SPAG16: variants seen among roughly 807,000 people sequenced by gnomAD.
SPAG16 encodes sperm associated antigen 16.
In SPAG16, 86 loss-of-function variants were observed where a neutral mutation model predicts 80.4. The observed-to-expected ratio is 1.07, with a 90% CI of 0.90 to 1.28. SPAG16 has a LOEUF of 1.28. Ranked by LOEUF, SPAG16 falls within the 50% of genes most tolerant of loss-of-function variation. The probability of loss-of-function intolerance (pLI) is 0.00; values close to 1 mark genes in which losing one functional copy is unlikely to be tolerated. For missense variants in SPAG16, 870 were observed against 765.3 expected (o/e 1.14, Z -1.61); for synonymous variants, 294 against 265.9 (o/e 1.11, Z -1.03).
chr2:213,956,636 T>A (rs1442032382), intron 12 of SPAG16, among the ~76,000 whole-genome samples: 1 of 151,782 alleles, frequency 6.6e-6, no homozygotes, highest in Admixed American at 6.6e-5. Context: ...TTAGTAGAGA[T>A]GGGGTTTCAC....
chr2:213,453,743 C>T (rs1309860476), intron 9 of SPAG16, among the ~76,000 whole-genome samples: 1 of 152,096 alleles, frequency 6.6e-6, no homozygotes, highest in Admixed American at 6.6e-5. Context: ...TCTCTCCTGG[C>T]CCAGCCTCAA....
intron 7 of SPAG16, among the ~76,000 whole-genome samples, chr2:213,360,317 G>A (rs2065904227): frequency 6.6e-6 from 1 of 152,196 alleles, no homozygotes; most frequent in Non-Finnish European, 1.5e-5. Context: ...GATTGATGGA[G>A]CCAATGCAAG....
intron 12 of SPAG16, among the ~76,000 whole-genome samples, chr2:213,938,864 G>GTT (rs35950921): frequency 1.1e-4 from 17 of 150,958 alleles, no homozygotes; most frequent in Non-Finnish European, 2.1e-4. Context: ...TAAAGATGAG[G>GTT]TTTTTTTTTC....
intron 10 of SPAG16, among the ~76,000 whole-genome samples, chr2:213,704,582 A>G (rs2065654121): frequency 6.6e-6 from 1 of 152,136 alleles, no homozygotes; most frequent in African/African-American, 2.4e-5. Flanking sequence ...GTTAACCACT[A>G]TGATTACTTA....
At chr2:214,387,722 C>G (rs1700839786) in intron 15 of SPAG16, among the ~76,000 whole-genome samples, 1 of 152,116 alleles carries the variant, frequency 6.6e-6, no homozygotes, top group Admixed American at 6.5e-5. Context: ...GCAAACACAT[C>G]CTTCTTCACA....
At chr2:213,797,799 G>C (rs2071138878) in intron 10 of SPAG16, among the ~76,000 whole-genome samples, 1 of 152,196 alleles carries the variant, frequency 6.6e-6, no homozygotes. Context: ...ACAAGTCTTT[G>C]TGTAGACATC....
At chr2:213,409,396 A>G (rs1575516362) in intron 9 of SPAG16, among the ~76,000 whole-genome samples, 1 of 152,194 alleles carries the variant, frequency 6.6e-6, no homozygotes, top group South Asian at 2.1e-4. Context: ...GTTAAAAAAT[A>G]TATATTTTGT....
At chr2:214,139,011 C>G (rs2125528125) in intron 14 of SPAG16, among the ~76,000 whole-genome samples, 1 of 152,222 alleles carries the variant, frequency 6.6e-6, no homozygotes, top group East Asian at 1.9e-4. Flanking sequence ...AAATAAAACA[C>G]TGTTTGAATT....
intron 10 of SPAG16, among the ~76,000 whole-genome samples, chr2:213,565,094 C>CT (rs1390234730): frequency 1.3e-5 from 2 of 152,144 alleles, no homozygotes; most frequent in Non-Finnish European, 2.9e-5. Flanking sequence ...GTCAGTGTTA[C>CT]TTTCTATAAT....
chr2:214,085,242 C>T (rs1288463553), intron 13 of SPAG16, among the ~76,000 whole-genome samples: 1 of 151,810 alleles, frequency 6.6e-6, no homozygotes, highest in Middle Eastern at 3.2e-3. Context: ...CATGGTGGTG[C>T]CTTCCTGTAG....
rs190301670 is a variant in SPAG16 at position 214,304,489 on chromosome 2, G to A, written c.1721-105651G>A. Among the ~76,000 whole-genome samples, 292 of 152,242 alleles carry A rather than the reference G, an allele frequency of 1.9e-3. 3 individuals are homozygous for A. Among genetic ancestry groups the A allele is most frequent in the African/African-American group, 6.4e-3 (264 of 41,536 alleles). Reference sequence around the variant, plus strand: ...TCCCTTTATTTTGGCCCATCTCTTCGTTTCCCATAAGGGATACTTTTAGTT... The same window carrying A: ...TCCCTTTATTTTGGCCCATCTCTTCATTTCCCATAAGGGATACTTTTAGTT... On this transcript the variant is annotated intron_variant, in intron 15 of 15. Transcript: ENST00000331683.
intron 15 of SPAG16, among the ~76,000 whole-genome samples, chr2:214,207,583 T>G (rs898294575): frequency 1.3e-5 from 2 of 152,228 alleles, no homozygotes; most frequent in African/African-American, 4.8e-5. Context: ...TTTCTCATGC[T>G]TAGCTTTTCT....
Position 213,829,438 on chromosome 2 carries a change from A to AAG in SPAG16, c.1071-33044_1071-33043dup, listed in dbSNP as rs143564474. On this transcript the variant is annotated intron_variant, in intron 10 of 15. Transcript: ENST00000331683. ...CCTGGTAGGCCCAGAAAAGCCATCT[A>AAG]AGAGTCAAGGCCTGAAATTAAGGAC... Among the ~76,000 whole-genome samples the AAG allele has an allele frequency of 9.1e-3, 1,388 of 152,172 alleles. 25 individuals carry two copies. The highest frequency in any genetic ancestry group is 0.03 in the African/African-American group (1,260 of 41,520).
chr2:214,244,047 G>A lies in SPAG16; in HGVS notation c.1720+94781G>A, dbSNP rs73989405. Among the ~76,000 whole-genome samples the A allele has an allele frequency of 5.0e-3, 767 of 151,990 alleles. 5 individuals are homozygous for A. Among genetic ancestry groups the A allele is most frequent in the African/African-American group, 0.017 (692 of 41,494 alleles). On this transcript the variant is annotated intron_variant, in intron 15 of 15. Coordinates refer to ENST00000331683, the MANE Select transcript of SPAG16 (RefSeq NM_024532.5). ...AATTCTTATATAAGTAATTTTAATC[G>A]TAATGCATTGCGAATAACAAAAACT...
intron 10 of SPAG16, among the ~76,000 whole-genome samples, chr2:213,621,540 A>G (rs2061785572): frequency 6.6e-6 from 1 of 152,122 alleles, no homozygotes; most frequent in South Asian, 2.1e-4. Flanking sequence ...TGAGACATTC[A>G]ACAAAGGGTT....
intron 9 of SPAG16, among the ~76,000 whole-genome samples, chr2:213,466,921 T>G (rs1400036638): frequency 6.6e-6 from 1 of 152,108 alleles, no homozygotes; most frequent in Non-Finnish European, 1.5e-5. Flanking sequence ...AAACAAATAT[T>G]GAGAGGCAGG....
At chr2:213,572,810 G>T (rs1435589103) in intron 10 of SPAG16, among the ~76,000 whole-genome samples, 1 of 152,138 alleles carries the variant, frequency 6.6e-6, no homozygotes, top group Non-Finnish European at 1.5e-5. Flanking sequence ...AGCAAGCCTG[G>T]GCAATGGCGG....
Position 213,574,709 on chromosome 2 carries a change from G to GAT in SPAG16, c.1070+84632_1070+84633dup, listed in dbSNP as rs933555265. 8.4e-3 allele frequency among the ~76,000 whole-genome samples: 1,212 copies of GAT among 143,626 alleles called. 13 individuals are homozygous for GAT. Among genetic ancestry groups the GAT allele is most frequent in the African/African-American group, 0.016 (646 of 39,804 alleles). 94.2% of individuals were successfully genotyped at this position (143,626 alleles called of 152,430 possible). A position where few individuals can be genotyped will look rare whatever the true frequency, so the allele number is the denominator to read the frequency against. Reference sequence around the variant, plus strand: ...GATATATATATGATATATGATATATGATATATATATATATGAGCTATACCT... The same window carrying GAT: ...GATATATATATGATATATGATATATGATATATATATATATATGAGCTATACCT... On this transcript the variant is annotated intron_variant, in intron 10 of 15. Coordinates refer to ENST00000331683, the MANE Select transcript of SPAG16 (RefSeq NM_024532.5).
At chr2:213,535,632 A>ATTGTT (rs1481446162) in intron 10 of SPAG16, among the ~76,000 whole-genome samples, 2 of 152,106 alleles carry the variant, frequency 1.3e-5, no homozygotes, top group East Asian at 3.8e-4. Flanking sequence ...CAGAACTCTA[A>ATTGTT]TTGTTTTGTT....
Sources: gnomAD v4.1 joint callset for allele counts (sites outside exome capture counted in the v4.1 genomes callset) on GRCh38, gnomAD v4.1.1 for gene constraint, MANE v1.5 for transcripts, NCBI Gene and HGNC (gene_info 2026-07-23, HGNC 2026-07-21) for gene names.